SUFU: variants seen among roughly 807,000 people sequenced by gnomAD.
SUFU encodes SUFU negative regulator of hedgehog signaling.
Under a neutral mutation model 58.9 loss-of-function variants are expected in SUFU, and 7 were observed. The observed-to-expected ratio is 0.12, with a 90% CI of 0.07 to 0.22. The LOEUF (loss-of-function observed/expected upper bound fraction) is 0.22, where lower values mean the gene tolerates loss of function less well. SUFU is among the 10% of genes least tolerant of loss of function. The probability of loss-of-function intolerance (pLI) is 1.00; values close to 1 mark genes in which losing one functional copy is unlikely to be tolerated. For synonymous variants in SUFU, 232 were observed against 254.8 expected (o/e 0.91, Z 0.85); for missense variants, 451 against 641.3 (o/e 0.70, Z 3.20).
At chr10:102,523,361 G>A (rs942194621) in intron 2 of SUFU, among the ~76,000 whole-genome samples, 3 of 152,152 alleles carry the variant, frequency 2.0e-5, no homozygotes, top group Admixed American at 6.6e-5. Flanking sequence ...CTCTTACTCT[G>A]ACCTCAGGCC....
chr10:102,587,664 T>C (rs2063348481), intron 3 of SUFU, among the ~76,000 whole-genome samples: 1 of 152,102 alleles, frequency 6.6e-6, no homozygotes, highest in Non-Finnish European at 1.5e-5. Flanking sequence ...GCAAATTTTT[T>C]TGTATTTTTA....
chr10:102,514,824 A>G (rs753746630), intron 2 of SUFU, among the ~76,000 whole-genome samples: 5 of 152,206 alleles, frequency 3.3e-5, no homozygotes, highest in Non-Finnish European at 7.4e-5. Flanking sequence ...GACAGAGCCT[A>G]TGGGGCCCTA....
intron 4 of SUFU, among the ~76,000 whole-genome samples, chr10:102,593,214 A>G (rs2063422305): frequency 6.6e-6 from 1 of 152,136 alleles, no homozygotes; most frequent in Non-Finnish European, 1.5e-5. Flanking sequence ...GCTATGACCT[A>G]TTGGTGGTGG....
chr10:102,618,973 TGTGTG>T, intron 10 of SUFU: 2 of 917,202 alleles, frequency 2.2e-6, no homozygotes, highest in Non-Finnish European at 1.8e-6. Flanking sequence ...TGTGTGTGTG[TGTGTG>T]TAATGTTCAA....
intron 3 of SUFU, among the ~76,000 whole-genome samples, chr10:102,576,531 G>A (rs1304118385): frequency 6.6e-6 from 1 of 152,120 alleles, no homozygotes; most frequent in Non-Finnish European, 1.5e-5. Flanking sequence ...ATTACAAACA[G>A]TACAAAGATG....
At chr10:102,556,309 A>C (rs2062976717) in intron 3 of SUFU, among the ~76,000 whole-genome samples, 2 of 152,214 alleles carry the variant, frequency 1.3e-5, no homozygotes, top group Non-Finnish European at 1.5e-5. Context: ...AGGTTTGCGC[A>C]GAGGTGGAAG....
intron 2 of SUFU, among the ~76,000 whole-genome samples, chr10:102,538,235 T>C (rs553129886): frequency 6.6e-6 from 1 of 152,230 alleles, no homozygotes; most frequent in Non-Finnish European, 1.5e-5. Flanking sequence ...TGACTTGTAA[T>C]GTCCTACCAC....
Position 102,504,150 on chromosome 10 carries a change from C to T in SUFU, c.-3C>T, listed in dbSNP as rs1589969701. 2 of 1,542,292 alleles carry T rather than the reference C, an allele frequency of 1.3e-6. No individual in the cohort carries two copies. The highest frequency in any genetic ancestry group is 2.4e-5 in the East Asian group (1 of 41,052). On this transcript the variant is annotated 5_prime_UTR_variant, in exon 1 of 12. Transcript: ENST00000369902. ...TCCCCCAGTGCCTGCCCTACGCACC[C>T]CGATGGCGGAGCTGCGGCCTAGCGG...
At chr10:102,597,665 C>T (rs1200458807) in intron 7 of SUFU, among the ~76,000 whole-genome samples, 1 of 152,266 alleles carries the variant, frequency 6.6e-6, no homozygotes, top group Non-Finnish European at 1.5e-5. Flanking sequence ...GACACAGGGC[C>T]CAGCTCTGGC....
Position 102,508,024 on chromosome 10 carries a change from G to A in SUFU, c.183-1145G>A, listed in dbSNP as rs147088773. The stretch of plus-strand genomic sequence containing the variant: ...TCTGTCACCCAGGCTGGAGTGCAGT[G>A]GCGCAATCTTGGCTCCCTGCAACCT... On this transcript the variant is annotated intron_variant, in intron 1 of 11. Transcript: ENST00000369902. Among the ~76,000 whole-genome samples, 1,281 of 148,356 alleles carry A rather than the reference G, an allele frequency of 8.6e-3. 17 individuals are homozygous for A. The highest frequency in any genetic ancestry group is 0.03 in the African/African-American group (1,206 of 39,636).
intron 1 of SUFU, among the ~76,000 whole-genome samples, chr10:102,505,517 G>T (rs535619580): frequency 6.6e-6 from 1 of 152,328 alleles, no homozygotes; most frequent in South Asian, 2.1e-4. Context: ...CATCTTTGCT[G>T]GTTACCTCTC....
chr10:102,608,734 C>A (rs2063589085), intron 8 of SUFU, among the ~76,000 whole-genome samples: 1 of 152,186 alleles, frequency 6.6e-6, no homozygotes, highest in East Asian at 1.9e-4. Context: ...CTTGGGTGTT[C>A]AGCCAGAAGA....
intron 3 of SUFU, among the ~76,000 whole-genome samples, chr10:102,552,291 C>T (rs2062927428): frequency 6.6e-6 from 1 of 151,902 alleles, no homozygotes; most frequent in South Asian, 2.1e-4. Context: ...AAAGATTAGC[C>T]AGGTGTGGTG....
At chr10:102,554,367 C>G (rs995861127) in intron 3 of SUFU, among the ~76,000 whole-genome samples, 1 of 152,148 alleles carries the variant, frequency 6.6e-6, no homozygotes, top group African/African-American at 2.4e-5. Flanking sequence ...CACGCCATTG[C>G]ACTCCAGCTT....
At chr10:102,627,616 G>A (rs907757011) in intron 11 of SUFU, among the ~76,000 whole-genome samples, 6 of 152,208 alleles carry the variant, frequency 3.9e-5, no homozygotes, top group Admixed American at 3.9e-4. Flanking sequence ...TGAACAGAAC[G>A]CCCATGTCTG....
chr10:102,581,422 G>A (rs1002861993), intron 3 of SUFU, among the ~76,000 whole-genome samples: 2 of 152,084 alleles, frequency 1.3e-5, no homozygotes, highest in Admixed American at 6.6e-5. Flanking sequence ...TCCTCTCACT[G>A]GGGAGTCATG....
chr10:102,507,347 A>G (rs1435853437), intron 1 of SUFU, among the ~76,000 whole-genome samples: 1 of 152,156 alleles, frequency 6.6e-6, no homozygotes, highest in South Asian at 2.1e-4. Context: ...TGCAGCAGGA[A>G]ACTGGAGCAG....
intron 6 of SUFU, among the ~76,000 whole-genome samples, chr10:102,595,770 C>T (rs2063454818): frequency 1.3e-5 from 2 of 152,206 alleles, no homozygotes. Flanking sequence ...GGCCTGCTTG[C>T]TATCAGTCTC....
chr10:102,504,365 G>A (rs1433655372), intron 1 of SUFU, 31 bp downstream of exon 1: 2 of 1,613,102 alleles, frequency 1.2e-6, no homozygotes, highest in Admixed American at 3.3e-5. Context: ...AGACGGACAG[G>A]CGCGGGCTGG....
Sources: allele counts gnomAD v4.1 joint callset (sites outside exome capture counted in the v4.1 genomes callset), GRCh38; gene constraint gnomAD v4.1.1; transcripts MANE v1.5; gene names NCBI Gene and HGNC (gene_info 2026-07-23, HGNC 2026-07-21).